The following RLIG1 variants were observed in gnomAD, a reference collection of about 807,000 sequenced individuals.
RLIG1 encodes RNA ligase 1.
chr12:88,044,058 G>GGT, the RLIG1 span: 1 of 248,980 alleles, frequency 4.0e-6, no homozygotes, highest in Non-Finnish European at 7.6e-6. Context: ...GATTGCTTGA[G>GGT]CCTAGGAGTT....
the RLIG1 span, chr12:88,044,264 C>T: frequency 6.6e-6 from 1 of 152,582 alleles, no homozygotes; most frequent in African/African-American, 2.4e-5. Context: ...GGACTGTGAC[C>T]TTGTCTCAAA....
At chr12:88,045,778 T>C in the RLIG1 span, 2 of 1,609,716 alleles carry the variant, frequency 1.2e-6, no homozygotes, top group South Asian at 1.1e-5. Flanking sequence ...GAAACCCATA[T>C]GGTGAGTGAA....
the RLIG1 span, among the ~76,000 whole-genome samples, chr12:88,038,251 T>C: frequency 6.6e-6 from 1 of 152,148 alleles, no homozygotes; most frequent in South Asian, 2.1e-4. Flanking sequence ...GGAGTGCTAA[T>C]ATGAGGTCTC....
the RLIG1 span, among the ~76,000 whole-genome samples, chr12:88,046,477 T>C: frequency 6.6e-6 from 1 of 152,136 alleles, no homozygotes; most frequent in Non-Finnish European, 1.5e-5. Flanking sequence ...TTAAGTTTTG[T>C]AGGCCACTCT....
At chr12:88,043,798 T>G in the RLIG1 span, 1 of 980,200 alleles carries the variant, frequency 1.0e-6, no homozygotes, top group Non-Finnish European at 1.6e-6. Flanking sequence ...ATTACAGAAT[T>G]TTAATCTGGG....
the RLIG1 span, chr12:88,036,161 C>T: frequency 9.0e-7 from 1 of 1,115,092 alleles, no homozygotes; most frequent in Non-Finnish European, 1.2e-6. Flanking sequence ...CTGTTCTGTC[C>T]GAACCAGTGG....
At chr12:88,048,163 C>A in the RLIG1 span, 5 of 1,195,598 alleles carry the variant, frequency 4.2e-6, no homozygotes, top group Non-Finnish European at 5.6e-6. Flanking sequence ...AGACAGTGGG[C>A]ACTCAAATAT....
the RLIG1 span, chr12:88,046,998 G>C: frequency 5.7e-6 from 9 of 1,575,462 alleles, no homozygotes; most frequent in Non-Finnish European, 7.8e-6. Context: ...AATAGCTCCG[G>C]TGGGGTTATG....
chr12:88,045,803 C>T, the RLIG1 span: 1 of 1,578,236 alleles, frequency 6.3e-7, no homozygotes, highest in Non-Finnish European at 8.7e-7. Flanking sequence ...TTTTCTTGTT[C>T]AGTTATTGTA....
chr12:88,050,031 A>T, the RLIG1 span: 2 of 205,672 alleles, frequency 9.7e-6, no homozygotes, highest in South Asian at 1.9e-4. Flanking sequence ...GGGAACTATA[A>T]CCTTAGGATT....
the RLIG1 span, chr12:88,042,244 A>T: frequency 6.6e-6 from 1 of 152,198 alleles, no homozygotes; most frequent in African/African-American, 2.4e-5. Flanking sequence ...GTAGGTAGGC[A>T]GCTGATGCTC....
the RLIG1 span, chr12:88,043,662 A>G: frequency 2.5e-6 from 4 of 1,613,228 alleles, no homozygotes; most frequent in Non-Finnish European, 3.4e-6. Context: ...CCAGCAAAGG[A>G]GACAGAACAA....
At chr12:88,044,002 G>A in the RLIG1 span, 1 of 360,866 alleles carries the variant, frequency 2.8e-6, no homozygotes, top group East Asian at 7.5e-5. Context: ...GCCAGGTGCA[G>A]TGGTCACACC....
chr12:88,046,850 T>C, the RLIG1 span: 1 of 1,613,010 alleles, frequency 6.2e-7, no homozygotes, highest in Non-Finnish European at 8.5e-7. Context: ...TTATACCACA[T>C]GGAGCATTTC....
the RLIG1 span, chr12:88,045,796 T>G: frequency 6.3e-7 from 1 of 1,595,220 alleles, no homozygotes; most frequent in Admixed American, 1.7e-5. Context: ...GAAGACTTTT[T>G]CTTGTTCAGT....
the RLIG1 span, chr12:88,035,826 G>A: frequency 5.2e-6 from 8 of 1,543,514 alleles, no homozygotes; most frequent in Non-Finnish European, 7.0e-6. Context: ...AGGGCGGCTG[G>A]GCGCTTTAGA....
the RLIG1 span, among the ~76,000 whole-genome samples, chr12:88,038,332 G>A: frequency 3.9e-5 from 6 of 152,120 alleles, no homozygotes; most frequent in Admixed American, 1.3e-4. Flanking sequence ...GGACAAGGCC[G>A]TTCACAAACT....
the RLIG1 span, chr12:88,045,681 A>T: frequency 1.2e-6 from 2 of 1,613,222 alleles, no homozygotes; most frequent in African/African-American, 2.7e-5. Flanking sequence ...CATCATCCTG[A>T]TGATTCTGGA....
chr12:88,035,708 A>C, the RLIG1 span: 1 of 1,606,562 alleles, frequency 6.2e-7, no homozygotes. Context: ...CGGAGGTGAA[A>C]GAGGAGCCTT....
Sources: gnomAD v4.1 joint callset for allele counts (sites outside exome capture counted in the v4.1 genomes callset) on GRCh38, gnomAD v4.1.1 for gene constraint, MANE v1.5 for transcripts, NCBI Gene and HGNC (gene_info 2026-07-23, HGNC 2026-07-21) for gene names.